Variants in MICU1 observed in about 807,000 individuals in gnomAD.
MICU1 encodes mitochondrial calcium uptake 1.
MICU1 carries 45 observed loss-of-function variants against 56.8 expected under a neutral mutation model. The observed-to-expected ratio is 0.79, with a 90% CI of 0.62 to 1.02. MICU1 has a LOEUF of 1.02. Ranked by LOEUF, MICU1 falls within the 50% of genes least tolerant of loss-of-function variation. MICU1 has a pLI of 0.00. For synonymous variants in MICU1, 186 were observed against 195.1 expected (o/e 0.95, Z 0.39); for missense variants, 504 against 587.1 (o/e 0.86, Z 1.46).
At chr10:72,518,354 T>A (rs1375335579) in intron 5 of MICU1, among the ~76,000 whole-genome samples, 4 of 151,976 alleles carry the variant, frequency 2.6e-5, no homozygotes, top group Admixed American at 1.3e-4. Flanking sequence ...TTTAAAAAAA[T>A]TTGTGTTATT....
chr10:72,397,962 C>G (rs1163373756), intron 10 of MICU1, among the ~76,000 whole-genome samples: 1 of 152,190 alleles, frequency 6.6e-6, no homozygotes, highest in Non-Finnish European at 1.5e-5. Flanking sequence ...CTCTCCACCC[C>G]AAATCAACAA....
intron 1 of MICU1, among the ~76,000 whole-genome samples, chr10:72,583,364 T>G (rs564566635): frequency 3.3e-5 from 5 of 151,862 alleles, no homozygotes; most frequent in East Asian, 1.9e-4. Flanking sequence ...CACTGCAACT[T>G]CCGCCTCGCA....
At chr10:72,611,311 A>AAAAG (rs1295021027) in intron 1 of MICU1, among the ~76,000 whole-genome samples, 1 of 145,250 alleles carries the variant, frequency 6.9e-6, no homozygotes, top group African/African-American at 2.6e-5. Context: ...TAAAAAAAAA[A>AAAAG]AAAGAAAGAA....
chr10:72,375,938 GGA>G, intron 10 of MICU1, 66 bp from the exon 11 acceptor site: 1 of 1,392,802 alleles, frequency 7.2e-7, no homozygotes, highest in East Asian at 2.4e-5. Flanking sequence ...CTGATTCAGG[GGA>G]TAAAACGACT....
intron 8 of MICU1, among the ~76,000 whole-genome samples, chr10:72,435,130 C>A (rs1864664325): frequency 6.6e-6 from 1 of 152,062 alleles, no homozygotes; most frequent in South Asian, 2.1e-4. Context: ...GTGGCTCATG[C>A]CTGTGATCCC....
chr10:72,548,954 C>T (rs969782289), intron 4 of MICU1, among the ~76,000 whole-genome samples: 1 of 152,158 alleles, frequency 6.6e-6, no homozygotes, highest in African/African-American at 2.4e-5. Context: ...GCCTCAGCCT[C>T]CCAAAGTGCT....
intron 8 of MICU1, among the ~76,000 whole-genome samples, chr10:72,453,052 C>CA (rs890826119): frequency 5.9e-5 from 9 of 152,266 alleles, no homozygotes; most frequent in African/African-American, 1.4e-4. Flanking sequence ...GCCCAGTTGA[C>CA]AAAGTGTGTG....
rs1840662029 is a variant in MICU1 at position 72,573,332 on chromosome 10, A to AC, written c.-1-6539_-1-6538insG. ...CAAAAAAAAAAAAAAAAAAAAAAAA[A>AC]AAACTAAGGCAACATATGGAATACC... On this transcript the variant is annotated intron_variant, in intron 1 of 11. Coordinates refer to ENST00000361114, the MANE Select transcript of MICU1 (RefSeq NM_001195518.2). Among the ~76,000 whole-genome samples the AC allele has an allele frequency of 1.6e-4, 24 of 149,078 alleles. No homozygotes were observed. In the South Asian group the frequency reaches 4.9e-3, roughly 31 times the overall value.
chr10:72,580,512 T>C (rs1432137412), intron 1 of MICU1, among the ~76,000 whole-genome samples: 1 of 152,128 alleles, frequency 6.6e-6, no homozygotes, highest in Non-Finnish European at 1.5e-5. Flanking sequence ...AGTCTCACAT[T>C]GTCACCCAGG....
chr10:72,531,461 T>G (rs554551065), intron 5 of MICU1: 1 of 152,290 alleles, frequency 6.6e-6, no homozygotes, highest in South Asian at 2.1e-4. Context: ...GGCTCATACC[T>G]GTAATCCCAG....
chr10:72,477,608 G>A (rs1281066822), intron 6 of MICU1: 3 of 1,439,116 alleles, frequency 2.1e-6, no homozygotes, highest in East Asian at 2.5e-5. Flanking sequence ...ACTTATCTGG[G>A]CAAGAAAGTA....
At chr10:72,405,576 C>CA (rs60182582) in intron 10 of MICU1, among the ~76,000 whole-genome samples, 60,090 of 129,416 alleles carry the variant, frequency 0.46, 14,942 homozygotes, top group Middle Eastern at 0.62. Flanking sequence ...AAAGACATTA[C>CA]AAAAAAAAAA....
chr10:72,510,137 A>G (rs1564910252), intron 5 of MICU1, among the ~76,000 whole-genome samples: 2 of 152,196 alleles, frequency 1.3e-5, no homozygotes, highest in African/African-American at 4.8e-5. Context: ...CTAAGGATAG[A>G]GTGAAATGAG....
chr10:72,566,568 T>C, intron 2 of MICU1, 65 bp downstream of exon 2: 2 of 1,497,808 alleles, frequency 1.3e-6, no homozygotes, highest in Non-Finnish European at 1.8e-6. Flanking sequence ...AACTCCTTTC[T>C]GACAACAGAG....
At chr10:72,611,112 G>T (rs1051517821) in intron 1 of MICU1, among the ~76,000 whole-genome samples, 2 of 151,150 alleles carry the variant, frequency 1.3e-5, no homozygotes, top group African/African-American at 4.9e-5. Flanking sequence ...AGACTATCCT[G>T]GCTAACACGG....
intron 10 of MICU1, among the ~76,000 whole-genome samples, chr10:72,394,035 G>C (rs889470722): frequency 1.3e-5 from 2 of 152,134 alleles, no homozygotes; most frequent in African/African-American, 4.8e-5. Context: ...CCAAAGTGCT[G>C]GGATTACAGG....
At chr10:72,576,309 A>G (rs764886647) in intron 1 of MICU1, among the ~76,000 whole-genome samples, 1 of 152,006 alleles carries the variant, frequency 6.6e-6, no homozygotes, top group Non-Finnish European at 1.5e-5. Flanking sequence ...AGATAGGCCA[A>G]AAGTTAGCCA....
chr10:72,419,162 CA>C (rs2132127854), intron 9 of MICU1, among the ~76,000 whole-genome samples: 1 of 152,284 alleles, frequency 6.6e-6, no homozygotes, highest in South Asian at 2.1e-4. Flanking sequence ...TAATTAAAGT[CA>C]AATCAATATC....
At chr10:72,450,726 CT>C (rs34091247) in intron 8 of MICU1, among the ~76,000 whole-genome samples, 48,706 of 128,374 alleles carry the variant, frequency 0.38, 9,366 homozygotes, top group Non-Finnish European at 0.55. Context: ...TTTTTTAATT[CT>C]TTTTTTTTTT....
Sources: allele counts gnomAD v4.1 joint callset (sites outside exome capture counted in the v4.1 genomes callset), GRCh38; gene constraint gnomAD v4.1.1; transcripts MANE v1.5; gene names NCBI Gene and HGNC (gene_info 2026-07-23, HGNC 2026-07-21).